The following DOP1B variants were observed in gnomAD, a reference collection of about 807,000 sequenced individuals.
DOP1B encodes the protein protein DOP1B.
In DOP1B, 174 loss-of-function variants were observed where a neutral mutation model predicts 233.5. The observed-to-expected ratio is 0.75, with a 90% CI of 0.66 to 0.85. DOP1B has a LOEUF of 0.85. DOP1B is among the 40% of genes least tolerant of loss of function. DOP1B has a pLI of 0.00. For missense variants in DOP1B, 2,652 were observed against 2,846.6 expected (o/e 0.93, Z 1.56); for synonymous variants, 1,190 against 1,185.6 (o/e 1.00, Z -0.08).
chr21:36,246,896 A>ATGTTATGTTG lies in DOP1B; in HGVS notation c.4697+220_4697+221insGTTATGTTGT, dbSNP rs1168776663. ...ATGTTATGTTATGTTATGTTATGTT[A>ATGTTATGTTG]TTTTTGAGACAGAGTCTCTGTCACC... is the stretch of plus-strand genomic sequence containing the variant. On this transcript the variant is annotated intron_variant, in intron 19 of 36. Transcript: ENST00000691173. This position sits in a 1 kb window ranked among gnomAD's most constrained non-coding sequence, Gnocchi z 5.1. Among the ~76,000 whole-genome samples, 1 of 138,288 alleles carries ATGTTATGTTG rather than the reference A, an allele frequency of 7.2e-6. No individual in the cohort carries two copies. Among genetic ancestry groups the ATGTTATGTTG allele is most frequent in the Admixed American group, 7.5e-5 (1 of 13,332 alleles). The allele number at this position is 138,288 out of a possible 152,430, so 90.7% of individuals were successfully genotyped here.
rs1385966527 is a variant in DOP1B at position 36,237,330 on chromosome 21, A to T, written c.2691A>T (p.Glu897Asp). Residue 897 changes from glutamate to aspartate, a missense_variant, in exon 16 of 37, where the codon GAA becomes GAT. Around this residue, in one of 3 missense-constraint regions of DOP1B, gnomAD observed 2,617 missense variants for 2,794.3 expected, o/e 0.94. Coordinates refer to ENST00000691173, the MANE Select transcript of DOP1B (RefSeq NM_001320714.2). ...GGGAGCATCACGTCACCTGCGTAGA[A>T]TTGTTCTACCGGCTGCACTGCCTGG... Reference protein sequence around the residue: ...ETREHHVTCVELFYRLHCLAP... With the variant: ...ETREHHVTCVDLFYRLHCLAP... 1.2e-6 allele frequency: 2 copies of T among 1,614,136 alleles called. No homozygotes were observed. Among genetic ancestry groups the T allele is most frequent in the Non-Finnish European group, 8.5e-7 (1 of 1,180,028 alleles).
At chr21:36,177,261 T>C (rs2066042257) in intron 2 of DOP1B, among the ~76,000 whole-genome samples, 1 of 152,186 alleles carries the variant, frequency 6.6e-6, no homozygotes, top group Non-Finnish European at 1.5e-5. Flanking sequence ...AGAGCACTGC[T>C]ACCCCAGGCT....
chr21:36,288,644 C>T (rs2067516777), intron 33 of DOP1B, 112 bp from the exon 34 acceptor site: 2 of 794,828 alleles, frequency 2.5e-6, no homozygotes, highest in Non-Finnish European at 4.1e-6. Context: ...GAGTAAGACC[C>T]CGTCTTATTC....
At chr21:36,261,365 A>C (rs1045611120) in intron 24 of DOP1B, 2 of 83,478 alleles carry the variant, frequency 2.4e-5, no homozygotes, top group Non-Finnish European at 4.5e-5. Context: ...GCTCTGTCTC[A>C]AAAAAAAAAA....
intron 26 of DOP1B, among the ~76,000 whole-genome samples, chr21:36,268,900 C>T (rs992506275): frequency 1.6e-4 from 25 of 152,042 alleles, no homozygotes; most frequent in Admixed American, 1.4e-3. Flanking sequence ...AATCTCTTGA[C>T]CTTGTGATCC....
At chr21:36,285,683 A>G (rs2067473660) in intron 32 of DOP1B, among the ~76,000 whole-genome samples, 1 of 152,050 alleles carries the variant, frequency 6.6e-6, no homozygotes, top group African/African-American at 2.4e-5. Context: ...GAAGCTCCCA[A>G]GAAGTGTCCC....
chr21:36,185,000 C>G (rs1452471179), intron 2 of DOP1B, among the ~76,000 whole-genome samples: 5 of 152,166 alleles, frequency 3.3e-5, no homozygotes, highest in Non-Finnish European at 7.4e-5. Context: ...ACTTTGGGGA[C>G]TGAAACCTGT....
At chr21:36,174,013 G>A (rs191098439) in intron 2 of DOP1B, among the ~76,000 whole-genome samples, 2 of 152,292 alleles carry the variant, frequency 1.3e-5, no homozygotes, top group African/African-American at 2.4e-5. Flanking sequence ...GTGTCACACA[G>A]TTCAGCTTCC....
At chr21:36,180,646 C>A (rs966950631) in intron 2 of DOP1B, among the ~76,000 whole-genome samples, 1 of 149,976 alleles carries the variant, frequency 6.7e-6, no homozygotes, top group African/African-American at 2.5e-5. Context: ...ACTGGGAGGC[C>A]GAGGCGGGGG....
chr21:36,277,256 G>A (rs1467222213), intron 28 of DOP1B, among the ~76,000 whole-genome samples, 156 bp downstream of exon 28: 1 of 152,154 alleles, frequency 6.6e-6, no homozygotes, highest in Non-Finnish European at 1.5e-5. Flanking sequence ...GCTGCACCAT[G>A]GAGTTTTGGG....
In DOP1B at chr21:36,245,672, A is replaced by T; in HGVS notation, c.3692A>T (p.Tyr1231Phe). Residue 1231 changes from tyrosine (Y) to phenylalanine (F), a missense_variant, in exon 19 of 37, where the codon TAC (tyrosine) becomes TTC (phenylalanine). Physicochemically the swap from Tyr to Phe is conservative, Grantham distance 22 (BLOSUM62 3). Around this residue, in one of 3 missense-constraint regions of DOP1B, gnomAD observed 2,617 missense variants for 2,794.3 expected, o/e 0.94. Coordinates refer to ENST00000691173, the MANE Select transcript of DOP1B (RefSeq NM_001320714.2). This position sits in a 1 kb window ranked among gnomAD's most constrained non-coding sequence, Gnocchi z 5.5. ...VEALFKHILLYLQPYDSRRVL... is the reference protein window; with the variant it reads ...VEALFKHILLFLQPYDSRRVL... Reference sequence around the variant, plus strand: ...GCCTTGTTCAAGCACATCCTGCTCTACCTGCAGCCCTACGACTCTCGGCGG... The same window carrying T: ...GCCTTGTTCAAGCACATCCTGCTCTTCCTGCAGCCCTACGACTCTCGGCGG... 1 of 1,613,176 alleles carries T rather than the reference A, an allele frequency of 6.2e-7. No homozygotes were observed.
In DOP1B at chr21:36,230,827, T is replaced by C. The variant is rs75907001; in HGVS notation, c.2043T>C (p.Ser681=). Residue 681 remains serine, a synonymous_variant, in exon 14 of 37, where the codon TCT becomes TCC. Transcript: ENST00000691173. The part of the protein sequence containing the change: ...LAANDSSRKN[S]WEPKPITVPQ... Reference sequence around the variant, plus strand: ...CCAATGATTCCAGCAGGAAGAACTCTTGGGAGCCCAAGCCCATCACTGTGC... The same window carrying C: ...CCAATGATTCCAGCAGGAAGAACTCCTGGGAGCCCAAGCCCATCACTGTGC... 10,382 of 1,614,088 alleles carry C rather than the reference T, an allele frequency of 6.4e-3. 529 individuals carry two copies. In the African/African-American group the frequency reaches 0.12, roughly 18 times the overall value.
chr21:36,268,178 T>C (rs2123653805), intron 26 of DOP1B, among the ~76,000 whole-genome samples: 1 of 152,230 alleles, frequency 6.6e-6, no homozygotes, highest in African/African-American at 2.4e-5. Context: ...AGTCCTTATC[T>C]CAACCGCATA....
At chr21:36,262,972 C>T (rs181318019) in intron 24 of DOP1B, among the ~76,000 whole-genome samples, 81 of 151,872 alleles carry the variant, frequency 5.3e-4, no homozygotes, top group African/African-American at 1.6e-3. Context: ...CAGTGGCTCA[C>T]GCCTGTAATC....
chr21:36,202,908 T>C (rs2066385850), intron 4 of DOP1B, among the ~76,000 whole-genome samples: 1 of 152,216 alleles, frequency 6.6e-6, no homozygotes, highest in Non-Finnish European at 1.5e-5. Context: ...TCCCAGGCCC[T>C]TTCTAGAAGT....
chr21:36,230,990 G>A lies in DOP1B; in HGVS notation c.2206G>A (p.Val736Ile). The change falls in exon 14 of 37, where the codon GTC becomes ATC. Residue 736 changes from valine to isoleucine, a missense_variant. By Grantham distance (29) the Val-to-Ile change is conservative. Around this residue, in one of 3 missense-constraint regions of DOP1B, gnomAD observed 2,617 missense variants for 2,794.3 expected, o/e 0.94. Coordinates refer to ENST00000691173, the MANE Select transcript of DOP1B (RefSeq NM_001320714.2). ...NGGEWDVEKV[V>I]IDLGGSREER... ...GGGAGAATGGGATGTTGAGAAGGTGGTCATTGACCTGGGGGGTTCCAGGGA... is the reference window on the plus strand; with the variant it reads ...GGGAGAATGGGATGTTGAGAAGGTGATCATTGACCTGGGGGGTTCCAGGGA... The A allele has an allele frequency of 6.2e-7, 1 of 1,614,208 alleles. No homozygotes were observed. The highest frequency in any genetic ancestry group is 8.5e-7 in the Non-Finnish European group (1 of 1,180,042).
intron 2 of DOP1B, among the ~76,000 whole-genome samples, chr21:36,188,119 A>G (rs962075006): frequency 6.6e-6 from 1 of 152,234 alleles, no homozygotes; most frequent in African/African-American, 2.4e-5. Context: ...GGATTTGGGT[A>G]TGTGGATAAC....
chr21:36,234,123 G>T (rs1341914433), intron 15 of DOP1B, among the ~76,000 whole-genome samples: 2 of 152,088 alleles, frequency 1.3e-5, no homozygotes, highest in Admixed American at 6.6e-5. Flanking sequence ...CTCCCAAAGT[G>T]CCAGAATTAT....
chr21:36,228,059 T>C (rs1027037532), intron 13 of DOP1B, among the ~76,000 whole-genome samples, 182 bp downstream of exon 13: 1 of 152,142 alleles, frequency 6.6e-6, no homozygotes, highest in African/African-American at 2.4e-5. Context: ...CATGGTACAA[T>C]GGCTCACACC....
Sources: gnomAD v4.1 joint callset for allele counts (sites outside exome capture counted in the v4.1 genomes callset) on GRCh38, gnomAD v4.1.1 for gene constraint, gnomAD v4.1.1 regional missense constraint, Gnocchi (gnomAD v3.1) non-coding constraint, MANE v1.5 for transcripts, NCBI Gene and HGNC (gene_info 2026-07-23, HGNC 2026-07-21) for gene names.